Variants in ABLIM2 observed in about 807,000 individuals in gnomAD.
ABLIM2 encodes the protein actin-binding LIM protein 2.
ABLIM2 carries 53 observed loss-of-function variants against 97.7 expected under a neutral mutation model. That is an observed-to-expected ratio of 0.54 (90% CI 0.44 to 0.68). ABLIM2 has a LOEUF of 0.68. Among genes scored for constraint, ABLIM2 ranks in the 30% least tolerant of loss-of-function variants. ABLIM2 has a pLI of 0.00. For synonymous variants in ABLIM2, 361 were observed against 345.8 expected (o/e 1.04, Z -0.49); for missense variants, 835 against 867.2 (o/e 0.96, Z 0.47).
intron 1 of ABLIM2, among the ~76,000 whole-genome samples, chr4:8,151,896 G>T (rs1406106851): frequency 6.6e-6 from 1 of 151,930 alleles, no homozygotes. Context: ...AGGGTTCCAG[G>T]GGGGCACATG....
intron 16 of ABLIM2, among the ~76,000 whole-genome samples, chr4:7,995,381 A>G (rs910017223): frequency 6.6e-6 from 1 of 152,236 alleles, no homozygotes; most frequent in African/African-American, 2.4e-5. Flanking sequence ...TCCGAGGGGA[A>G]GGTGGCTCAC....
intron 3 of ABLIM2, among the ~76,000 whole-genome samples, chr4:8,092,550 G>C (rs1230483378): frequency 6.6e-6 from 1 of 152,138 alleles, no homozygotes; most frequent in Non-Finnish European, 1.5e-5. Flanking sequence ...CTTTTCACAT[G>C]TAAAACATAG....
chr4:8,025,006 T>C (rs1271660577), intron 12 of ABLIM2, among the ~76,000 whole-genome samples: 1 of 152,218 alleles, frequency 6.6e-6, no homozygotes, highest in Non-Finnish European at 1.5e-5. Context: ...CTCAGCTCAC[T>C]GCAACCTCCG....
rs1175171296 is a variant in ABLIM2, at chr4:7,999,903, T to C, written c.1619-6976A>G. Among the ~76,000 whole-genome samples the C allele has an allele frequency of 1.3e-5, 2 of 152,168 alleles. No individual in the cohort carries two copies. The highest frequency in any genetic ancestry group is 2.9e-5 in the Non-Finnish European group (2 of 68,008). ...GGGCCCTGAGCCTCTTCTCCACAGG[T>C]CTGTCCTCTTCCAGGCTGGCTCATC... On this transcript the variant is annotated intron_variant, in intron 16 of 20. Coordinates refer to ENST00000447017, the MANE Select transcript of ABLIM2 (RefSeq NM_001130083.2). The surrounding 1 kb of genome is among the most constrained non-coding windows in gnomAD (Gnocchi z 4.4).
At position 8,002,866 on chromosome 4, in the gene ABLIM2, C is replaced by T. The variant is rs947875797; in HGVS notation, c.1618+5193G>A. Among the ~76,000 whole-genome samples, 2 of 152,216 alleles carry T rather than the reference C, an allele frequency of 1.3e-5. No homozygotes were observed. Among genetic ancestry groups the T allele is most frequent in the East Asian group, 1.9e-4 (1 of 5,200 alleles). On this transcript the variant is annotated intron_variant, in intron 16 of 20. Coordinates refer to ENST00000447017, the MANE Select transcript of ABLIM2 (RefSeq NM_001130083.2). This position sits in a 1 kb window ranked among gnomAD's most constrained non-coding sequence, Gnocchi z 6.1. ...TATACCGGCCCTATTCAAGTGTACA[C>T]CCACTTCAAGCCGTGCCAGGTACCG...
chr4:8,057,349 G>A lies in ABLIM2; in HGVS notation c.764-3103C>T, dbSNP rs142746770. 3.2e-4 allele frequency among the ~76,000 whole-genome samples: 48 copies of A among 152,196 alleles called. 1 individual carries two copies. Among genetic ancestry groups the A allele is most frequent in the Admixed American group, 2.9e-3 (45 of 15,296 alleles). The stretch of plus-strand genomic sequence containing the variant: ...GATCCATCCACCTCTGCCTCCCAAA[G>A]TGCTGGAATTACAGGCATGAGCCAC... On this transcript the variant is annotated intron_variant, in intron 7 of 20. Coordinates refer to ENST00000447017, the MANE Select transcript of ABLIM2 (RefSeq NM_001130083.2).
rs766367443 is a variant in ABLIM2, at chr4:8,120,886, A to G, written c.11-14249T>C. On this transcript the variant is annotated intron_variant, in intron 1 of 20. Transcript: ENST00000447017. This position sits in a 1 kb window ranked among gnomAD's most constrained non-coding sequence, Gnocchi z 5.6. ...AACGCAAAGCCTGTTTTATAATACA[A>G]TGTTGACCGTCTCACGTAAGAGTAC... 2.0e-5 allele frequency among the ~76,000 whole-genome samples: 3 copies of G among 152,234 alleles called. No homozygotes were observed. The highest frequency in any genetic ancestry group is 4.4e-5 in the Non-Finnish European group (3 of 68,048).
In ABLIM2 at chr4:8,022,946, CTCT is replaced by C. The variant is rs200104478; in HGVS notation, c.1268-2646_1268-2644del. ...CTTTTTCCTCTTCCTCCTCCTCCTC[CTCT>C]TCTTTTTCCTCTTCCTCCTCTGCCT... is the stretch of plus-strand genomic sequence containing the variant. On this transcript the variant is annotated intron_variant, in intron 12 of 20. Coordinates refer to ENST00000447017, the MANE Select transcript of ABLIM2 (RefSeq NM_001130083.2). This position sits in a 1 kb window ranked among gnomAD's most constrained non-coding sequence, Gnocchi z 7.8. The C allele has an allele frequency of 0.01, 1,609 of 155,152 alleles. 28 individuals carry two copies. The highest frequency in any genetic ancestry group is 0.036 in the African/African-American group (1,480 of 41,422). 9.6% of individuals were successfully genotyped at this position (155,152 alleles called of 1,614,324 possible).
At position 8,127,585 on chromosome 4, in the gene ABLIM2, T is replaced by C. The variant is rs1296549478; in HGVS notation, c.11-20948A>G. The C allele has an allele frequency of 1.6e-6, 2 of 1,289,712 alleles. No homozygotes were observed. Among genetic ancestry groups the C allele is most frequent in the South Asian group, 2.5e-5 (2 of 81,028 alleles). The allele number at this position is 1,289,712 out of a possible 1,614,324, so 79.9% of individuals were successfully genotyped here. A position where few individuals can be genotyped will look rare whatever the true frequency, so the allele number is the denominator to read the frequency against. On this transcript the variant is annotated intron_variant, in intron 1 of 20. Transcript: ENST00000447017. This position sits in a 1 kb window ranked among gnomAD's most constrained non-coding sequence, Gnocchi z 7.3. ...TGGCACCCCCATGGAGCGTGGCTGC[T>C]TGCAAAGGGCCAGCGGGTCGGCGGC...
At chr4:8,007,408 G>T (rs1016793030) in intron 16 of ABLIM2, 4 of 985,404 alleles carry the variant, frequency 4.1e-6, no homozygotes, top group Non-Finnish European at 1.2e-6. Flanking sequence ...AATGAAAACT[G>T]CCCCCAGCCC....
chr4:8,154,005 C>T lies in ABLIM2; in HGVS notation c.10+4675G>A, dbSNP rs543927042. Among the ~76,000 whole-genome samples the T allele has an allele frequency of 1.1e-4, 16 of 150,450 alleles. No homozygotes were observed. The South Asian group carries it at 3.2e-3, about 30-fold the overall frequency. On this transcript the variant is annotated intron_variant, in intron 1 of 20. Coordinates refer to ENST00000447017, the MANE Select transcript of ABLIM2 (RefSeq NM_001130083.2). ...TGAGATACAGTCTCACTCTGTCGCC[C>T]AGGCTGGAGTGCAGTGGCGTGATCT...
intron 6 of ABLIM2, among the ~76,000 whole-genome samples, chr4:8,070,746 G>A (rs921374134): frequency 6.6e-6 from 1 of 152,166 alleles, no homozygotes; most frequent in East Asian, 1.9e-4. Flanking sequence ...GCCAGGAAGG[G>A]TCTAGAAGGG....
chr4:8,029,096 C>G (rs1043449152), intron 11 of ABLIM2, among the ~76,000 whole-genome samples: 1 of 152,110 alleles, frequency 6.6e-6, no homozygotes, highest in Non-Finnish European at 1.5e-5. Flanking sequence ...CAAGGTGACA[C>G]GTGTGGAAAG....
rs1478468640 is a variant in ABLIM2 at position 8,123,115 on chromosome 4, C to T, written c.11-16478G>A. ...AGCCCAGCACTGTGTCCCAGCACTG[C>T]TGGAGGAAGACCTCTTTGCCCGGGT... On this transcript the variant is annotated intron_variant, in intron 1 of 20. Coordinates refer to ENST00000447017, the MANE Select transcript of ABLIM2 (RefSeq NM_001130083.2). The surrounding 1 kb of genome is among the most constrained non-coding windows in gnomAD (Gnocchi z 6.2). Among the ~76,000 whole-genome samples, 1 of 152,234 alleles carries T rather than the reference C, an allele frequency of 6.6e-6. No individual in the cohort carries two copies. The highest frequency in any genetic ancestry group is 1.5e-5 in the Non-Finnish European group (1 of 68,044).
intron 14 of ABLIM2, among the ~76,000 whole-genome samples, chr4:8,009,729 C>A (rs938620691): frequency 2.6e-5 from 4 of 152,208 alleles, no homozygotes; most frequent in African/African-American, 9.6e-5. Context: ...ATTTTAAAAA[C>A]CTCCCACGTA....
At chr4:8,151,438 G>A (rs930776760) in intron 1 of ABLIM2, among the ~76,000 whole-genome samples, 2 of 152,138 alleles carry the variant, frequency 1.3e-5, no homozygotes, top group Non-Finnish European at 2.9e-5. Context: ...CTCCTAGCTC[G>A]AGCTCCAGGC....
rs531653622 is a variant in ABLIM2, at chr4:8,065,303, C to T, written c.676-4249G>A. 9.2e-5 allele frequency among the ~76,000 whole-genome samples: 14 copies of T among 152,240 alleles called. No individual in the cohort carries two copies. The East Asian group carries it at 2.7e-3, about 29-fold the overall frequency. ...CAAAGGACCTGAATAGACACTTCTT[C>T]AATGAAAATATACAAATGGCCAACT... On this transcript the variant is annotated intron_variant, in intron 6 of 20. Transcript: ENST00000447017.
At chr4:8,101,452 G>T (rs1006593400) in intron 2 of ABLIM2, among the ~76,000 whole-genome samples, 6 of 152,192 alleles carry the variant, frequency 3.9e-5, no homozygotes, top group African/African-American at 1.4e-4. Flanking sequence ...TCTCATAAAC[G>T]CCTGGAACGC....
intron 4 of ABLIM2, among the ~76,000 whole-genome samples, chr4:8,081,988 T>C (rs1416966288): frequency 6.6e-6 from 1 of 152,194 alleles, no homozygotes; most frequent in Admixed American, 6.5e-5. Context: ...CATGTGCGAA[T>C]ATGTCTGCAC....
Sources: allele counts gnomAD v4.1 joint callset (sites outside exome capture counted in the v4.1 genomes callset), GRCh38; gene constraint gnomAD v4.1.1; non-coding constraint Gnocchi (gnomAD v3.1); transcripts MANE v1.5; gene names NCBI Gene and HGNC (gene_info 2026-07-23, HGNC 2026-07-21).